EFNA5: variants seen among roughly 807,000 people sequenced by gnomAD.
EFNA5 encodes the protein ephrin-A5.
Under a neutral mutation model 22.9 loss-of-function variants are expected in EFNA5, and 5 were observed. The observed-to-expected ratio is 0.22, with a 90% CI of 0.11 to 0.46. EFNA5 has a LOEUF of 0.46. Ranked by LOEUF, EFNA5 falls within the 20% of genes least tolerant of loss-of-function variation. The pLI, the probability that EFNA5 is intolerant of heterozygous loss-of-function variation, is 0.99. For missense variants in EFNA5, 237 were observed against 293.3 expected, an observed-to-expected ratio of 0.81 and a Z score of 1.40; for synonymous variants, 113 against 112.2, an observed-to-expected ratio of 1.01 and a Z score of -0.04.
At chr5:107,486,795 G>A (rs978756361) in intron 1 of EFNA5, among the ~76,000 whole-genome samples, 9 of 152,194 alleles carry the variant, frequency 5.9e-5, no homozygotes, top group Admixed American at 5.9e-4. Flanking sequence ...TCCTGGGGCT[G>A]TTTGTTACTG....
intron 1 of EFNA5, among the ~76,000 whole-genome samples, chr5:107,560,545 C>T (rs1052827613): frequency 1.3e-5 from 2 of 152,288 alleles, no homozygotes; most frequent in East Asian, 1.9e-4. Context: ...TCCCCCGTGC[C>T]GCTGTGAACT....
intron 1 of EFNA5, among the ~76,000 whole-genome samples, chr5:107,623,204 G>C (rs1035878580): frequency 3.9e-5 from 6 of 152,150 alleles, no homozygotes; most frequent in South Asian, 2.1e-4. Flanking sequence ...GCAGTGAGAT[G>C]GTGGGGCAGG....
chr5:107,496,541 A>C (rs1259463943), intron 1 of EFNA5, among the ~76,000 whole-genome samples: 1 of 152,082 alleles, frequency 6.6e-6, no homozygotes, highest in Non-Finnish European at 1.5e-5. Flanking sequence ...CGCTACCTAC[A>C]TGTTTGGTAG....
chr5:107,548,555 G>A (rs997921269), intron 1 of EFNA5, among the ~76,000 whole-genome samples: 4 of 152,148 alleles, frequency 2.6e-5, no homozygotes, highest in Non-Finnish European at 4.4e-5. Flanking sequence ...TGGGAAATAC[G>A]TGCTTGGATT....
At chr5:107,524,407 G>A (rs1747654729) in intron 1 of EFNA5, among the ~76,000 whole-genome samples, 1 of 152,176 alleles carries the variant, frequency 6.6e-6, no homozygotes, top group Non-Finnish European at 1.5e-5. Flanking sequence ...TGATCAAAAA[G>A]TGCCTCAAAA....
At chr5:107,455,482 C>A (rs1181918778) in intron 1 of EFNA5, among the ~76,000 whole-genome samples, 1 of 152,110 alleles carries the variant, frequency 6.6e-6, no homozygotes, top group Non-Finnish European at 1.5e-5. Flanking sequence ...TTTTAAAATT[C>A]TTTGTGGGAT....
chr5:107,490,849 G>A (rs1350888256), intron 1 of EFNA5, among the ~76,000 whole-genome samples: 1 of 152,130 alleles, frequency 6.6e-6, no homozygotes, highest in Non-Finnish European at 1.5e-5. Flanking sequence ...ACTCTAACAG[G>A]ACATGATCTT....
At chr5:107,652,376 G>A (rs1463647410) in intron 1 of EFNA5, among the ~76,000 whole-genome samples, 2 of 152,188 alleles carry the variant, frequency 1.3e-5, no homozygotes, top group Non-Finnish European at 2.9e-5. Flanking sequence ...CCAGAAAGTA[G>A]TTTCTGATAC....
chr5:107,571,619 G>A (rs1430979447), intron 1 of EFNA5, among the ~76,000 whole-genome samples: 1 of 151,884 alleles, frequency 6.6e-6, no homozygotes, highest in African/African-American at 2.4e-5. Flanking sequence ...AGCCACCCTG[G>A]GAACCAGACA....
At chr5:107,475,314 C>T (rs919377213) in intron 1 of EFNA5, among the ~76,000 whole-genome samples, 3 of 152,208 alleles carry the variant, frequency 2.0e-5, no homozygotes, top group Admixed American at 1.3e-4. Flanking sequence ...TCACATACTT[C>T]ACACTTACCC....
intron 1 of EFNA5, among the ~76,000 whole-genome samples, chr5:107,593,176 G>C (rs1403855380): frequency 6.6e-6 from 1 of 152,122 alleles, no homozygotes; most frequent in Non-Finnish European, 1.5e-5. Context: ...GCCCATGACT[G>C]GAAGAAGATA....
intron 1 of EFNA5, among the ~76,000 whole-genome samples, chr5:107,571,281 G>T (rs115083132): frequency 6.6e-6 from 1 of 152,184 alleles, no homozygotes; most frequent in African/African-American, 2.4e-5. Context: ...ACCTGGGGCA[G>T]AGAGCACAGG....
At chr5:107,661,915 C>T (rs1441343514) in intron 1 of EFNA5, among the ~76,000 whole-genome samples, 1 of 152,116 alleles carries the variant, frequency 6.6e-6, no homozygotes, top group South Asian at 2.1e-4. Flanking sequence ...CACAACACTG[C>T]CTGTTTCATA....
At chr5:107,463,559 C>T (rs986114459) in intron 1 of EFNA5, among the ~76,000 whole-genome samples, 6 of 152,094 alleles carry the variant, frequency 3.9e-5, no homozygotes, top group African/African-American at 1.2e-4. Context: ...ATAAAACACT[C>T]GGATTCAGTA....
intron 1 of EFNA5, among the ~76,000 whole-genome samples, chr5:107,430,500 T>C (rs895026539): frequency 1.3e-5 from 2 of 152,132 alleles, no homozygotes; most frequent in South Asian, 2.1e-4. Context: ...ACCCATTCTG[T>C]TACTCCTTTA....
chr5:107,419,828 C>A (rs2112412383), intron 2 of EFNA5, among the ~76,000 whole-genome samples: 1 of 152,194 alleles, frequency 6.6e-6, no homozygotes, highest in South Asian at 2.1e-4. Flanking sequence ...AATAAGACTT[C>A]AGTAATCAAA....
chr5:107,537,771 G>T (rs1747958406), intron 1 of EFNA5, among the ~76,000 whole-genome samples: 1 of 152,114 alleles, frequency 6.6e-6, no homozygotes, highest in Non-Finnish European at 1.5e-5. Flanking sequence ...CCAAATTTCT[G>T]AATGTTTTAC....
intron 1 of EFNA5, among the ~76,000 whole-genome samples, chr5:107,639,806 C>A (rs1293050651): frequency 6.6e-6 from 1 of 151,888 alleles, no homozygotes; most frequent in African/African-American, 2.4e-5. Flanking sequence ...TTAAAAAAAA[C>A]CCAGTGCCAG....
chr5:107,612,594 G>C (rs1749839255), intron 1 of EFNA5, among the ~76,000 whole-genome samples: 1 of 152,086 alleles, frequency 6.6e-6, no homozygotes, highest in Admixed American at 6.5e-5. Context: ...TACAGAATTA[G>C]TATTAAAAAG....
Sources: allele counts gnomAD v4.1 joint callset (sites outside exome capture counted in the v4.1 genomes callset), GRCh38; gene constraint gnomAD v4.1.1; transcripts MANE v1.5; gene names NCBI Gene and HGNC (gene_info 2026-07-23, HGNC 2026-07-21).